The following GNAO1 variants were observed in gnomAD, a reference collection of about 807,000 sequenced individuals.
GNAO1 encodes the protein G protein subunit alpha o1.
For missense variants in GNAO1, 166 were observed against 478.7 expected, an observed-to-expected ratio of 0.35 and a Z score of 6.10; for synonymous variants, 164 against 180.7, an observed-to-expected ratio of 0.91 and a Z score of 0.74.
chr16:56,329,682 C>T (rs891817467), intron 4 of GNAO1, among the ~76,000 whole-genome samples: 2 of 152,230 alleles, frequency 1.3e-5, no homozygotes, highest in African/African-American at 4.8e-5. Context: ...GGTACCCATA[C>T]ATTCAGTGGG....
At chr16:56,296,431 G>T (rs2037288844) in intron 3 of GNAO1, among the ~76,000 whole-genome samples, 1 of 152,222 alleles carries the variant, frequency 6.6e-6, no homozygotes, top group Non-Finnish European at 1.5e-5. Flanking sequence ...ATGTGGAGTT[G>T]AGTTATAGTG....
At chr16:56,347,487 C>A (rs987547121) in intron 6 of GNAO1, 94 of 985,402 alleles carry the variant, frequency 9.5e-5, no homozygotes, top group Non-Finnish European at 1.1e-4. Context: ...CCCCACCCTG[C>A]CCAGAGAGGA....
intron 3 of GNAO1, among the ~76,000 whole-genome samples, chr16:56,292,299 C>T (rs1490212426): frequency 6.6e-6 from 1 of 152,128 alleles, no homozygotes; most frequent in Non-Finnish European, 1.5e-5. Context: ...CACTGCATCC[C>T]CAGAACAATC....
chr16:56,320,611 C>T lies in GNAO1; in HGVS notation c.304-8020C>T, dbSNP rs557651006. Among the ~76,000 whole-genome samples the T allele has an allele frequency of 3.9e-5, 6 of 152,164 alleles. No homozygotes were observed. The South Asian group carries it at 1.0e-3, about 26-fold the overall frequency. ...AAGGAAGCTGGCAGAGGAGGCTCCT[C>T]GAAGGGTGTGGGGTGGCAAGAGAAT... On this transcript the variant is annotated intron_variant, in intron 3 of 8. Coordinates refer to ENST00000262493, the MANE Select transcript of GNAO1 (RefSeq NM_020988.3).
At chr16:56,235,301 T>C (rs1399723846) in intron 2 of GNAO1, 1 of 455,756 alleles carries the variant, frequency 2.2e-6, no homozygotes, top group African/African-American at 2.0e-5. Flanking sequence ...TTTAGAATCT[T>C]AAAGAAGACA....
chr16:56,232,524 TTC>T (rs2036599017), intron 2 of GNAO1, among the ~76,000 whole-genome samples: 1 of 152,212 alleles, frequency 6.6e-6, no homozygotes, highest in African/African-American at 2.4e-5. Context: ...CTCTGAGAAG[TTC>T]TATAATTAAC....
At chr16:56,257,265 A>G (rs1473730366) in intron 2 of GNAO1, among the ~76,000 whole-genome samples, 1 of 152,150 alleles carries the variant, frequency 6.6e-6, no homozygotes, top group Non-Finnish European at 1.5e-5. Context: ...TCGGCAATCC[A>G]TGGTCTTAGC....
chr16:56,321,386 C>T (rs1041507175), intron 3 of GNAO1, among the ~76,000 whole-genome samples: 1 of 152,204 alleles, frequency 6.6e-6, no homozygotes, highest in South Asian at 2.1e-4. Flanking sequence ...CTGCTTTCCT[C>T]AGTGTTGGCT....
chr16:56,242,488 T>A (rs2036702863), intron 2 of GNAO1, among the ~76,000 whole-genome samples: 3 of 149,944 alleles, frequency 2.0e-5, no homozygotes, highest in Admixed American at 1.3e-4. Flanking sequence ...ATCAATGGAG[T>A]AGAATTGAGA....
intron 4 of GNAO1, among the ~76,000 whole-genome samples, chr16:56,333,895 C>T (rs1339952626): frequency 6.6e-6 from 1 of 152,240 alleles, no homozygotes; most frequent in African/African-American, 2.4e-5. Flanking sequence ...AGTCTTCCTT[C>T]AGGCCTGGCC....
rs7194820 is a variant in GNAO1 at position 56,345,885 on chromosome 16, C to T, written c.724-5499C>T. ...AAGGGGGATGCTGGCCACGCCCCAC[C>T]TCTAAGGCCATCACCCTGGAGGTGG... is the stretch of plus-strand genomic sequence containing the variant. On this transcript the variant is annotated intron_variant, in intron 6 of 8. Transcript: ENST00000262493. The T allele has an allele frequency of 9.1e-6, 9 of 985,408 alleles. No individual in the cohort carries two copies. The African/African-American group carries it at 1.2e-4, about 13-fold the overall frequency. The allele number at this position is 985,408 out of a possible 1,614,324, so 61.0% of individuals were successfully genotyped here. A position where few individuals can be genotyped will look rare whatever the true frequency, so the allele number is the denominator to read the frequency against.
At chr16:56,237,406 C>T (rs1377196638) in intron 2 of GNAO1, among the ~76,000 whole-genome samples, 4 of 152,112 alleles carry the variant, frequency 2.6e-5, no homozygotes, top group African/African-American at 9.7e-5. Flanking sequence ...TGAGTAACTA[C>T]GGCTGTGCAG....
At chr16:56,195,515 A>T (rs1488736544) in intron 2 of GNAO1, among the ~76,000 whole-genome samples, 10 of 152,236 alleles carry the variant, frequency 6.6e-5, no homozygotes, top group Admixed American at 3.3e-4. Context: ...TCTACTGTGG[A>T]TGGGGCCAGG....
intron 3 of GNAO1, among the ~76,000 whole-genome samples, chr16:56,324,617 G>T (rs2037612869): frequency 6.6e-6 from 1 of 152,252 alleles, no homozygotes; most frequent in South Asian, 2.1e-4. Flanking sequence ...ACCTGCTGCT[G>T]CCCTGAGTCA....
chr16:56,347,952 G>C (rs1240471733), intron 6 of GNAO1: 3 of 903,620 alleles, frequency 3.3e-6, no homozygotes, highest in Non-Finnish European at 3.9e-6. Flanking sequence ...TCCTCCCCAC[G>C]CACCCCCCTC....
intron 2 of GNAO1, among the ~76,000 whole-genome samples, chr16:56,266,482 C>G (rs2036955269): frequency 6.6e-6 from 1 of 152,210 alleles, no homozygotes; most frequent in South Asian, 2.1e-4. Flanking sequence ...CCAGTGGTCC[C>G]TCTGAGCCAG....
chr16:56,357,269 ATTAAAAAAAAAAAC>A lies in GNAO1; in HGVS notation c.*1208_*1221del, dbSNP rs2037978456. 6.6e-6 allele frequency: 1 copy of A among 151,696 alleles called. No homozygotes were observed. Among genetic ancestry groups the A allele is most frequent in the Non-Finnish European group, 1.5e-5 (1 of 67,894 alleles). The allele number at this position is 151,696 out of a possible 1,614,324, so 9.4% of individuals were successfully genotyped here. A position where few individuals can be genotyped will look rare whatever the true frequency, so the allele number is the denominator to read the frequency against. On this transcript the variant is annotated 3_prime_UTR_variant, in exon 9 of 9. Transcript: ENST00000262493. ...GGCAAAAAGACAAAACACACAAAAA[ATTAAAAAAAAAAAC>A]TTAAAAAAAAAAGGAAAAAAGAAAA...
chr16:56,199,588 A>T (rs2036263722), intron 2 of GNAO1, among the ~76,000 whole-genome samples: 1 of 152,142 alleles, frequency 6.6e-6, no homozygotes, highest in Non-Finnish European at 1.5e-5. Flanking sequence ...TTTAATTTTG[A>T]TTCACTCTCT....
chr16:56,213,838 A>G (rs2036414733), intron 2 of GNAO1, among the ~76,000 whole-genome samples: 1 of 152,180 alleles, frequency 6.6e-6, no homozygotes, highest in Non-Finnish European at 1.5e-5. Flanking sequence ...AGTCACAAAA[A>G]AAAACTGGAA....
Sources: allele counts gnomAD v4.1 joint callset (sites outside exome capture counted in the v4.1 genomes callset), GRCh38; gene constraint gnomAD v4.1.1; transcripts MANE v1.5; gene names NCBI Gene and HGNC (gene_info 2026-07-23, HGNC 2026-07-21).